PDE1A: variants seen among roughly 807,000 people sequenced by gnomAD.
PDE1A encodes dual specificity calcium/calmodulin-dependent 3',5'-cyclic nucleotide phosphodiesterase 1A.
Under a neutral mutation model 61.7 loss-of-function variants are expected in PDE1A, and 35 were observed. That is an observed-to-expected ratio of 0.57 (90% confidence interval 0.43 to 0.75). The LOEUF (loss-of-function observed/expected upper bound fraction) is 0.75. PDE1A is among the 30% of genes least tolerant of loss of function. The pLI is 0.00. For synonymous variants in PDE1A, 232 were observed against 213.2 expected, an observed-to-expected ratio of 1.09 and a Z score of -0.77; for missense variants, 597 against 630.6, an observed-to-expected ratio of 0.95 and a Z score of 0.57.
the PDE1A span, among the ~76,000 whole-genome samples, chr2:182,685,041 C>CAG: frequency 1.3e-5 from 2 of 150,474 alleles, no homozygotes; most frequent in East Asian, 1.9e-4. Flanking sequence ...TTAATAATAG[C>CAG]AGCACTGTGG....
chr2:182,647,808 C>A, the PDE1A span, among the ~76,000 whole-genome samples: 1 of 152,020 alleles, frequency 6.6e-6, no homozygotes, highest in Admixed American at 6.6e-5. Context: ...GCTTTCGAAA[C>A]CCAAATTACA....
At chr2:182,240,812 A>G (rs1000258929) in intron 2 of PDE1A, among the ~76,000 whole-genome samples, 4 of 152,202 alleles carry the variant, frequency 2.6e-5, no homozygotes, top group African/African-American at 9.7e-5. Flanking sequence ...TCATTGGATA[A>G]GTACCTCTAA....
At chr2:182,716,256 C>T in the PDE1A span, 1 of 152,534 alleles carries the variant, frequency 6.6e-6, no homozygotes, top group Non-Finnish European at 1.5e-5. Flanking sequence ...CCAGGCCCCG[C>T]CCCGGCTCGC....
At chr2:182,545,598 C>T in the PDE1A span, among the ~76,000 whole-genome samples, 10 of 152,254 alleles carry the variant, frequency 6.6e-5, no homozygotes, top group South Asian at 2.1e-4. Context: ...TAGAAAGTTC[C>T]GGTCAGGTCA....
At chr2:182,237,683 G>A (rs1288303385) in intron 3 of PDE1A, among the ~76,000 whole-genome samples, 1 of 152,146 alleles carries the variant, frequency 6.6e-6, no homozygotes, top group Non-Finnish European at 1.5e-5. Flanking sequence ...CCACTGGCTG[G>A]GGGCAGCAAT....
chr2:182,503,838 G>A (rs1425253449), intron 2 of PDE1A, among the ~76,000 whole-genome samples: 1 of 152,080 alleles, frequency 6.6e-6, no homozygotes, highest in African/African-American at 2.4e-5. Context: ...GATCGTATCT[G>A]GACTGTTTAT....
At chr2:182,497,590 T>C (rs757444292) in intron 2 of PDE1A, among the ~76,000 whole-genome samples, 5 of 152,210 alleles carry the variant, frequency 3.3e-5, no homozygotes, top group Admixed American at 6.5e-5. Flanking sequence ...ATGAATGTTA[T>C]GGCCCCAACG....
the PDE1A span, among the ~76,000 whole-genome samples, chr2:182,565,039 T>C: frequency 6.6e-6 from 1 of 151,938 alleles, no homozygotes; most frequent in African/African-American, 2.4e-5. Context: ...GTCTGAAGCC[T>C]TCTTCTCTCA....
Position 182,378,007 on chromosome 2 carries a change from C to T in PDE1A, c.53+48571G>A, listed in dbSNP as rs10207047. 5.6e-3 allele frequency among the ~76,000 whole-genome samples: 845 copies of T among 152,116 alleles called. 5 individuals are homozygous for T. The highest frequency in any genetic ancestry group is 0.019 in the African/African-American group (770 of 41,484). On this transcript the variant is annotated intron_variant, in intron 1 of 13. Transcript: ENST00000351439. ...GACTATAGGTGCCCGCCACCTCGCC[C>T]GGCTAATTTTTTGTATTTTTAGTAG... is the stretch of plus-strand genomic sequence containing the variant.
chr2:182,658,047 T>TTAAAAAAAAAAAA, the PDE1A span, among the ~76,000 whole-genome samples: 1 of 66,662 alleles, frequency 1.5e-5, no homozygotes, highest in African/African-American at 6.9e-5. Context: ...AGCTTCTCAG[T>TTAAAAAAAAAAAA]AAAAAAAAAA....
intron 2 of PDE1A, among the ~76,000 whole-genome samples, chr2:182,440,829 T>C (rs1165617806): frequency 6.6e-6 from 1 of 152,048 alleles, no homozygotes; most frequent in East Asian, 1.9e-4. Flanking sequence ...TGTTGATTTT[T>C]CTGCTCAAGC....
the PDE1A span, among the ~76,000 whole-genome samples, chr2:182,614,751 T>G: frequency 1.3e-5 from 2 of 152,142 alleles, no homozygotes; most frequent in African/African-American, 4.8e-5. Flanking sequence ...GAGACAGGAT[T>G]TCACCATGTT....
chr2:182,573,245 G>T, the PDE1A span, among the ~76,000 whole-genome samples: 1 of 152,154 alleles, frequency 6.6e-6, no homozygotes, highest in Middle Eastern at 3.2e-3. Context: ...CTGCTTTCAT[G>T]TAACTGTTGG....
At chr2:182,464,690 T>C (rs1288691355) in intron 2 of PDE1A, among the ~76,000 whole-genome samples, 1 of 152,096 alleles carries the variant, frequency 6.6e-6, no homozygotes, top group Non-Finnish European at 1.5e-5. Context: ...GAATACAGCA[T>C]AGGCAAGTGG....
chr2:182,560,798 A>G, the PDE1A span, among the ~76,000 whole-genome samples: 4 of 151,854 alleles, frequency 2.6e-5, no homozygotes, highest in Admixed American at 6.6e-5. Flanking sequence ...TTTGATTTGC[A>G]TTTCTCTGAT....
chr2:182,153,406 G>A (rs544181879), intron 13 of PDE1A, among the ~76,000 whole-genome samples: 1 of 152,198 alleles, frequency 6.6e-6, no homozygotes. Context: ...TGCCAGGAAA[G>A]AAATGAAGCC....
At chr2:182,421,187 T>C (rs948068949) in intron 1 of PDE1A, among the ~76,000 whole-genome samples, 4 of 152,202 alleles carry the variant, frequency 2.6e-5, no homozygotes, top group African/African-American at 9.6e-5. Context: ...ACAATCCCAG[T>C]AGATTGTTTT....
the PDE1A span, among the ~76,000 whole-genome samples, chr2:182,577,150 T>C: frequency 6.6e-5 from 10 of 152,186 alleles, no homozygotes; most frequent in Admixed American, 4.6e-4. Flanking sequence ...GAGAGATGTA[T>C]ATTTTAGCCC....
Position 182,341,453 on chromosome 2 carries a change from C to T in PDE1A, c.54-77039G>A, listed in dbSNP as rs150590724. On this transcript the variant is annotated intron_variant, in intron 1 of 13. Transcript: ENST00000351439. ...CTTTGAAGATATCCCCATTGTTAAT[C>T]GTCTTTGTTTAGTCCCATGGTACAC... Among the ~76,000 whole-genome samples, 16 of 152,254 alleles carry T rather than the reference C, an allele frequency of 1.1e-4. No individual in the cohort carries two copies. The East Asian group carries it at 1.9e-3, about 18-fold the overall frequency.
Sources: allele counts gnomAD v4.1 joint callset (sites outside exome capture counted in the v4.1 genomes callset), GRCh38; gene constraint gnomAD v4.1.1; transcripts MANE v1.5; gene names NCBI Gene and HGNC (gene_info 2026-07-23, HGNC 2026-07-21).